Variants in CENPT observed in about 807,000 individuals in gnomAD.
CENPT encodes the protein interphase centromere complex protein 22.
A neutral mutation model predicts 59.7 loss-of-function variants in CENPT; 42 were observed. The ratio of observed to expected loss-of-function variants is 0.70; its 90% CI spans 0.55 to 0.91. The LOEUF (loss-of-function observed/expected upper bound fraction) is 0.91, where lower values mean the gene tolerates loss of function less well. Among genes scored for constraint, CENPT ranks in the 40% least tolerant of loss-of-function variants. The pLI, the probability that CENPT is intolerant of heterozygous loss-of-function variation, is 0.00. For synonymous variants in CENPT, 295 were observed against 289.6 expected (o/e 1.02, Z -0.19); for missense variants, 716 against 713.4 (o/e 1.00, Z -0.04).
chr16:67,843,817 A>G lies in CENPT; in HGVS notation c.-492+3584T>C, dbSNP rs947381775. The G allele has an allele frequency of 9.3e-6, 3 of 323,428 alleles. 1 individual carries two copies. Among genetic ancestry groups the G allele is most frequent in the Non-Finnish European group, 1.2e-5 (2 of 164,440 alleles). 20.0% of individuals were successfully genotyped at this position (323,428 alleles called of 1,614,324 possible). A position where few individuals can be genotyped will look rare whatever the true frequency, so the allele number is the denominator to read the frequency against. ...CTTACCCTCTAGGGATGCAGGTGGG[A>G]TGTCCAGGGACTATAGGTTTGGGAA... On this transcript the variant is annotated intron_variant, in intron 1 of 15. Coordinates refer to ENST00000562787, the MANE Select transcript of CENPT (RefSeq NM_025082.4). This position sits in a 1 kb window ranked among gnomAD's most constrained non-coding sequence, Gnocchi z 5.7.
At position 67,831,374 on chromosome 16, in the gene CENPT, G is replaced by A. The variant is rs2057687345; in HGVS notation, c.561-16C>T. ...GTTGAGGGATCTGGTGAGGTGGGGA[G>A]GCACAGAGGAAAGTCAGGTACCTGA... is the stretch of plus-strand genomic sequence containing the variant. On this transcript the variant is annotated splice_polypyrimidine_tract_variant and intron_variant, in intron 9 of 15. Coordinates refer to ENST00000562787, the MANE Select transcript of CENPT (RefSeq NM_025082.4). The A allele has an allele frequency of 6.2e-7, 1 of 1,610,158 alleles. No individual in the cohort carries two copies. Among genetic ancestry groups the A allele is most frequent in the Non-Finnish European group, 8.5e-7 (1 of 1,177,254 alleles).
rs777785515 is a variant in CENPT at position 67,832,077 on chromosome 16, C to A, written c.321G>T (p.Ser107=). The A allele has an allele frequency of 1.1e-5, 18 of 1,612,096 alleles. No individual in the cohort carries two copies. The Admixed American group carries it at 2.3e-4, about 21-fold the overall frequency. Residue 107 remains serine (S), a synonymous_variant, in exon 7 of 16, where the codon TCG becomes TCT. Coordinates refer to ENST00000562787, the MANE Select transcript of CENPT (RefSeq NM_025082.4). ...APESSILMPE[S]VVKPVPAPQA... is the part of the protein sequence containing the mutation. ...GCGGTGCTGGCACTGGCTTCACTACCGACTCAGGCATCAGGATGGAAGATT... is the reference window on the plus strand; with the variant it reads ...GCGGTGCTGGCACTGGCTTCACTACAGACTCAGGCATCAGGATGGAAGATT...
chr16:67,841,016 TATATA>T (rs1430521710), intron 1 of CENPT, among the ~76,000 whole-genome samples: 1 of 12,496 alleles, frequency 8.0e-5, no homozygotes, highest in African/African-American at 2.6e-4. Flanking sequence ...AATACATATA[TATATA>T]TATATATATA....
chr16:67,828,702 G>C lies in CENPT; in HGVS notation c.1422C>G (p.Pro474=). The part of the protein sequence containing the change: ...VKLFSFYAKM[P]MERKALEMVE... ...CCATCTCAAGAGCCTTCCTCTCCAT[G>C]GGCATCTTGGCATAGAAGCTAAAGA... Residue 474 remains proline (P), a synonymous_variant, in exon 14 of 16, where the codon CCC becomes CCG. Transcript: ENST00000562787. 6.2e-7 allele frequency: 1 copy of C among 1,614,132 alleles called. No homozygotes were observed. Among genetic ancestry groups the C allele is most frequent in the Non-Finnish European group, 8.5e-7 (1 of 1,180,036 alleles).
In CENPT at chr16:67,843,585, G is replaced by T; in HGVS notation, c.-492+3816C>A. On this transcript the variant is annotated intron_variant, in intron 1 of 15. Transcript: ENST00000562787. This position sits in a 1 kb window ranked among gnomAD's most constrained non-coding sequence, Gnocchi z 5.7. ...ATTGTTGAACTCCTCTATACTCCTGGGCACTGGTTGACAGTACTGAGGCTT... is the reference window on the plus strand; with the variant it reads ...ATTGTTGAACTCCTCTATACTCCTGTGCACTGGTTGACAGTACTGAGGCTT... 7.3e-7 allele frequency: 1 copy of T among 1,373,720 alleles called. No homozygotes were observed. Among genetic ancestry groups the T allele is most frequent in the Non-Finnish European group, 9.9e-7 (1 of 1,010,318 alleles). 85.1% of individuals were successfully genotyped at this position (1,373,720 alleles called of 1,614,324 possible).
intron 1 of CENPT, among the ~76,000 whole-genome samples, chr16:67,837,907 A>T (rs1471109025): frequency 1.3e-5 from 2 of 152,206 alleles, no homozygotes; most frequent in Non-Finnish European, 2.9e-5. Context: ...CATTATTCTA[A>T]ATGGAATAGG....
chr16:67,836,073 T>C (rs1044085941), intron 1 of CENPT, among the ~76,000 whole-genome samples: 1 of 151,406 alleles, frequency 6.6e-6, no homozygotes, highest in African/African-American at 2.4e-5. Context: ...TGTTTTTTGT[T>C]TTTTGAGATG....
At position 67,831,900 on chromosome 16, in the gene CENPT, T is replaced by C. The variant is rs375024438; in HGVS notation, c.387-10A>G. 30 of 1,610,266 alleles carry C rather than the reference T, an allele frequency of 1.9e-5. No individual in the cohort carries two copies. The highest frequency in any genetic ancestry group is 4.0e-5 in the African/African-American group (3 of 74,662). On this transcript the variant is annotated splice_polypyrimidine_tract_variant and intron_variant, in intron 7 of 15. Coordinates refer to ENST00000562787, the MANE Select transcript of CENPT (RefSeq NM_025082.4). ...AAGTTGCAGCTCCAGGCTATAAGAA[T>C]GGAGCTTATCTCAGACAGGCCAGGA... is the stretch of plus-strand genomic sequence containing the variant.
At chr16:67,837,584 T>C (rs2057741016) in intron 1 of CENPT, among the ~76,000 whole-genome samples, 1 of 152,076 alleles carries the variant, frequency 6.6e-6, no homozygotes, top group African/African-American at 2.4e-5. Context: ...GGCAGGTGCC[T>C]GTAATCCCAG....
Position 67,840,042 on chromosome 16 carries a change from C to T in CENPT, c.-491-4384G>A, listed in dbSNP as rs185849268. Among the ~76,000 whole-genome samples the T allele has an allele frequency of 3.1e-4, 47 of 152,076 alleles. No individual in the cohort carries two copies. The East Asian group carries it at 8.1e-3, about 26-fold the overall frequency. ...GAAGTAATGTACATTAGAGGCCGGG[C>T]GCGGTGGCTCACGCCTGTAATCCCA... On this transcript the variant is annotated intron_variant, in intron 1 of 15. Coordinates refer to ENST00000562787, the MANE Select transcript of CENPT (RefSeq NM_025082.4).
chr16:67,845,111 T>C (rs932115870), intron 1 of CENPT, among the ~76,000 whole-genome samples: 2 of 152,172 alleles, frequency 1.3e-5, no homozygotes, highest in Admixed American at 6.6e-5. Context: ...AGATTGAATA[T>C]TGAAGGGGCA....
chr16:67,831,170 G>T, intron 10 of CENPT, 46 bp downstream of exon 10: 1 of 1,612,602 alleles, frequency 6.2e-7, no homozygotes, highest in Non-Finnish European at 8.5e-7. Flanking sequence ...CTGTCATAGC[G>T]GGGAGAGCTT....
Position 67,842,741 on chromosome 16 carries a change from G to A in CENPT, c.-492+4660C>T. The A allele has an allele frequency of 6.2e-7, 1 of 1,608,306 alleles. No individual in the cohort carries two copies. The highest frequency in any genetic ancestry group is 8.5e-7 in the Non-Finnish European group (1 of 1,177,626). ...CACCACAGGCCACCGTCTCTGCAGCGTTCACTTCCAGGGCGGCCGCAAGAC... is the reference window on the plus strand; with the variant it reads ...CACCACAGGCCACCGTCTCTGCAGCATTCACTTCCAGGGCGGCCGCAAGAC... On this transcript the variant is annotated intron_variant, in intron 1 of 15. Coordinates refer to ENST00000562787, the MANE Select transcript of CENPT (RefSeq NM_025082.4). The surrounding 1 kb of genome is among the most constrained non-coding windows in gnomAD (Gnocchi z 4.9).
intron 1 of CENPT, among the ~76,000 whole-genome samples, chr16:67,838,625 A>C (rs1427661504): frequency 6.6e-6 from 1 of 151,734 alleles, no homozygotes; most frequent in Non-Finnish European, 1.5e-5. Context: ...CCGTCTCAAA[A>C]AAAAAAAAAG....
chr16:67,833,618 G>GGT (rs1313866510), intron 4 of CENPT, 132 bp downstream of exon 4: 1 of 512,530 alleles, frequency 2.0e-6, no homozygotes, highest in Non-Finnish European at 3.4e-6. Flanking sequence ...GTCGACGCTG[G>GGT]GTTCCACCCA....
At chr16:67,844,788 T>A (rs972963740) in intron 1 of CENPT, among the ~76,000 whole-genome samples, 35 of 151,974 alleles carry the variant, frequency 2.3e-4, no homozygotes, top group African/African-American at 2.2e-4. Context: ...CTCTATTTTT[T>A]TTTTTTTATT....
intron 1 of CENPT, chr16:67,846,846 A>C (rs1203912288): frequency 1.3e-5 from 2 of 152,212 alleles, no homozygotes; most frequent in African/African-American, 2.4e-5. Context: ...CGGCGCGCTC[A>C]TGCCGGAAAG....
At chr16:67,841,279 C>G (rs1375325013) in intron 1 of CENPT, among the ~76,000 whole-genome samples, 1 of 149,678 alleles carries the variant, frequency 6.7e-6, no homozygotes, top group Non-Finnish European at 1.5e-5. Context: ...CAAATCCTTT[C>G]CCATAAAATC....
rs66882634 is a variant in CENPT at position 67,841,010 on chromosome 16, C to CATATATATATATATAT, written c.-491-5368_-491-5353dup. ...CCCCGTCTCTACTAAATACAAAATA[C>CATATATATATATATAT]ATATATATATATATATATATATATA... On this transcript the variant is annotated intron_variant, in intron 1 of 15. Coordinates refer to ENST00000562787, the MANE Select transcript of CENPT (RefSeq NM_025082.4). Among the ~76,000 whole-genome samples the CATATATATATATATAT allele has an allele frequency of 1.4e-3, 157 of 109,346 alleles. 1 individual carries two copies. The highest frequency in any genetic ancestry group is 2.6e-3 in the African/African-American group (75 of 28,344). The allele number at this position is 109,346 out of a possible 152,430, so 71.7% of individuals were successfully genotyped here.
Sources: allele counts gnomAD v4.1 joint callset (sites outside exome capture counted in the v4.1 genomes callset), GRCh38; gene constraint gnomAD v4.1.1; non-coding constraint Gnocchi (gnomAD v3.1); transcripts MANE v1.5; gene names NCBI Gene and HGNC (gene_info 2026-07-23, HGNC 2026-07-21).